Variants in NAT10 observed in about 807,000 individuals in gnomAD.
The protein encoded by NAT10 is RNA cytidine acetyltransferase.
Under a neutral mutation model 132.2 loss-of-function variants are expected in NAT10, and 109 were observed. The observed-to-expected ratio is 0.82, with a 90% confidence interval of 0.71 to 0.97. The LOEUF (loss-of-function observed/expected upper bound fraction) is 0.97. NAT10 is among the 50% of genes least tolerant of loss of function. The pLI, the probability that NAT10 is intolerant of heterozygous loss-of-function variation, is 0.00. For missense variants in NAT10, 1,184 were observed against 1,263.4 expected (o/e 0.94, Z 0.95); for synonymous variants, 479 against 478.0 (o/e 1.00, Z -0.03).
At chr11:34,133,180 G>A (rs994796464) in intron 16 of NAT10, 38 bp downstream of exon 16, 8 of 1,469,454 alleles carry the variant, frequency 5.4e-6, no homozygotes, top group Middle Eastern at 1.7e-4. Context: ...AGTGATTTGG[G>A]GAACCACTGA....
intron 28 of NAT10, among the ~76,000 whole-genome samples, chr11:34,144,878 G>A (rs185240923): frequency 1.3e-4 from 20 of 152,304 alleles, no homozygotes; most frequent in East Asian, 1.9e-4. Context: ...GGAAACATTC[G>A]GGAAGAGGAA....
At chr11:34,139,909 A>G (rs1307345203) in intron 23 of NAT10, among the ~76,000 whole-genome samples, 1 of 152,214 alleles carries the variant, frequency 6.6e-6, no homozygotes, top group Non-Finnish European at 1.5e-5. Context: ...ATACTTAAAA[A>G]ACAAAAAATG....
chr11:34,118,228 CCAGCTCA>C lies in NAT10; in HGVS notation c.607_613del (p.Gln203ThrfsTer31). The C allele has an allele frequency of 6.2e-7, 1 of 1,614,194 alleles. No homozygotes were observed. The highest frequency in any genetic ancestry group is 8.5e-7 in the Non-Finnish European group (1 of 1,180,030). ...GTAAGAAGTGTCTCGTCATTGATGA[CCAGCTCA>C]ACATCCTGCCCATCTCCTCCCACGT... On this transcript the variant is annotated frameshift_variant, in exon 7 of 29. Coordinates refer to ENST00000257829, the MANE Select transcript of NAT10 (RefSeq NM_024662.3). LOFTEE classifies it high-confidence loss of function.
intron 25 of NAT10, among the ~76,000 whole-genome samples, 162 bp downstream of exon 25, chr11:34,141,370 G>T (rs1014794329): frequency 6.7e-6 from 1 of 148,844 alleles, no homozygotes; most frequent in Admixed American, 6.7e-5. Context: ...CAGAACACAT[G>T]TTAGCATTTA....
chr11:34,121,873 A>G (rs2132950010), intron 8 of NAT10, among the ~76,000 whole-genome samples: 1 of 145,214 alleles, frequency 6.9e-6, no homozygotes, highest in African/African-American at 2.6e-5. Context: ...AAAAAAAAAA[A>G]AAAAAAAAAG....
At chr11:34,139,121 C>T (rs1852272680) in intron 21 of NAT10, 70 bp from the exon 22 acceptor site, 2 of 1,370,722 alleles carry the variant, frequency 1.5e-6, no homozygotes, top group Non-Finnish European at 2.1e-6. Flanking sequence ...TGAGTGTTTA[C>T]CCTTCATCAA....
chr11:34,141,026 G>A, intron 24 of NAT10, 63 bp from the exon 25 acceptor site: 1 of 1,607,550 alleles, frequency 6.2e-7, no homozygotes. Flanking sequence ...CTGGTTCTTG[G>A]CGCCATTTTA....
intron 28 of NAT10, 148 bp downstream of exon 28, chr11:34,143,676 T>G: frequency 7.6e-6 from 5 of 660,556 alleles, no homozygotes; most frequent in African/African-American, 1.8e-5. Context: ...CCCTGGCCAT[T>G]ACCCTTGCAG....
At chr11:34,141,571 G>A (rs184431422) in intron 25 of NAT10, 148 bp from the exon 26 acceptor site, 5 of 714,384 alleles carry the variant, frequency 7.0e-6, no homozygotes, top group South Asian at 1.9e-5. Context: ...AGCTCTTCCC[G>A]CTAATATCCA....
At chr11:34,129,599 C>CTTTTT (rs71037399) in intron 12 of NAT10, among the ~76,000 whole-genome samples, 207 of 56,636 alleles carry the variant, frequency 3.7e-3, no homozygotes, top group Middle Eastern at 0.016. Context: ...TCTTCTTCTT[C>CTTTTT]TTTTTTTTTT....
At chr11:34,109,512 C>CT (rs1280117845) in intron 3 of NAT10, among the ~76,000 whole-genome samples, 1 of 152,216 alleles carries the variant, frequency 6.6e-6, no homozygotes, top group Non-Finnish European at 1.5e-5. Context: ...TCCCCAGCAG[C>CT]TTGATGCCTA....
intron 16 of NAT10, 113 bp downstream of exon 16, chr11:34,133,255 T>A: frequency 3.5e-6 from 3 of 847,538 alleles, no homozygotes; most frequent in East Asian, 2.5e-5. Context: ...AGTCCTGGTC[T>A]GGAACCAAGG....
In NAT10 at chr11:34,142,331, GAGCAT is replaced by G; in HGVS notation, c.2869_2873del (p.Ser957GlyfsTer4). 1 of 1,614,168 alleles carries G rather than the reference GAGCAT, an allele frequency of 6.2e-7. No homozygotes were observed. Among genetic ancestry groups the G allele is most frequent in the Non-Finnish European group, 8.5e-7 (1 of 1,179,996 alleles). On this transcript the variant is annotated frameshift_variant, in exon 27 of 29. Transcript: ENST00000257829. LOFTEE classifies it high-confidence loss of function. ...ACAAGAAGGAAGTAGGGAAGCTGAA[GAGCAT>G]GGACCTCTCTGAGTAAGGCTTGTGG...
At chr11:34,108,389 A>G in intron 2 of NAT10, 56 bp downstream of exon 2, 1 of 1,397,504 alleles carries the variant, frequency 7.2e-7, no homozygotes, top group Non-Finnish European at 1.0e-6. Context: ...AAGAATCAGC[A>G]TGTTTAAGCA....
Position 34,139,426 on chromosome 11 carries a change from A to G in NAT10, c.2350A>G (p.Ser784Gly). 1 of 1,614,142 alleles carries G rather than the reference A, an allele frequency of 6.2e-7. No homozygotes were observed. Among genetic ancestry groups the G allele is most frequent in the Non-Finnish European group, 8.5e-7 (1 of 1,180,022 alleles). ...CCTAGCCTTGCTCTCCTACCAGTTC[A>G]GTACCTTCTCTCCTTCCCTGGCTCT... ...RFLALLSYQF[S>G]TFSPSLALNI... The change falls in exon 23 of 29, where the codon AGT (serine) becomes GGT (glycine). Residue 784 changes from serine (S) to glycine (G), a missense_variant. Transcript: ENST00000257829.
intron 3 of NAT10, among the ~76,000 whole-genome samples, chr11:34,110,453 C>T (rs952533572): frequency 1.1e-4 from 17 of 151,766 alleles, no homozygotes; most frequent in Admixed American, 7.9e-4. Context: ...GTTCCTCTAC[C>T]TTCCTCTGCA....
chr11:34,128,848 C>G (rs1318974227), intron 12 of NAT10, among the ~76,000 whole-genome samples: 1 of 152,152 alleles, frequency 6.6e-6, no homozygotes, highest in African/African-American at 2.4e-5. Flanking sequence ...TCCTCCACAC[C>G]CCCCAACCCT....
In NAT10 at chr11:34,113,755, G is replaced by A. The variant is rs1851738866; in HGVS notation, c.412G>A (p.Val138Ile). 9 of 1,613,510 alleles carry A rather than the reference G, an allele frequency of 5.6e-6. No individual in the cohort carries two copies. The highest frequency in any genetic ancestry group is 2.7e-5 in the African/African-American group (2 of 74,782). ...AACTCCAAACTTGCTGGCCAGGACT[G>A]TAGAAACAGTGGAAGGTGGTGGGCT... ...ALTPNLLART[V>I]ETVEGGGLVV... Residue 138 changes from valine (V) to isoleucine (I), a missense_variant, in exon 5 of 29, where the codon GTA (valine) becomes ATA (isoleucine). Transcript: ENST00000257829.
At chr11:34,122,732 G>A in intron 9 of NAT10, 140 bp downstream of exon 9, 1 of 1,172,884 alleles carries the variant, frequency 8.5e-7, no homozygotes, top group Non-Finnish European at 1.2e-6. Context: ...TCTAGGTCTT[G>A]ATTTCCTGCC....
Sources: allele counts gnomAD v4.1 joint callset (sites outside exome capture counted in the v4.1 genomes callset), GRCh38; gene constraint gnomAD v4.1.1; transcripts MANE v1.5; gene names NCBI Gene and HGNC (gene_info 2026-07-23, HGNC 2026-07-21).